CHLSN: variants seen among roughly 807,000 people sequenced by gnomAD.
CHLSN encodes the protein protein cholesin.
the CHLSN span, among the ~76,000 whole-genome samples, chr7:1,080,563 G>C: frequency 1.3e-5 from 2 of 152,260 alleles, no homozygotes; most frequent in African/African-American, 4.8e-5. Flanking sequence ...GGGCAGAGGA[G>C]TCTGGAACAG....
chr7:1,038,723 G>C, the CHLSN span, among the ~76,000 whole-genome samples: 1 of 115,724 alleles, frequency 8.6e-6, no homozygotes, highest in Non-Finnish European at 1.8e-5. Flanking sequence ...TCAGCCCTCC[G>C]CCCGGCCAGC....
At chr7:988,371 C>T in the CHLSN span, 19 of 1,612,582 alleles carry the variant, frequency 1.2e-5, no homozygotes, top group Admixed American at 3.3e-5. Context: ...TTCCTGGACG[C>T]GAATGGGCAC....
At chr7:1,059,883 G>A in the CHLSN span, among the ~76,000 whole-genome samples, 8 of 44,572 alleles carry the variant, frequency 1.8e-4, no homozygotes, top group South Asian at 8.8e-4. Context: ...GGGCGGGTCC[G>A]TAGTGAGGCG....
At chr7:1,068,453 C>G in the CHLSN span, among the ~76,000 whole-genome samples, 1 of 152,150 alleles carries the variant, frequency 6.6e-6, no homozygotes, top group African/African-American at 2.4e-5. Context: ...TGGACGCTGC[C>G]TGGTGTGGAC....
chr7:1,049,306 G>A, the CHLSN span, among the ~76,000 whole-genome samples: 3 of 152,244 alleles, frequency 2.0e-5, no homozygotes, highest in African/African-American at 4.8e-5. Context: ...ATCTGCAGGC[G>A]TCATCATTCC....
chr7:1,121,413 C>T, the CHLSN span, among the ~76,000 whole-genome samples: 12,649 of 152,290 alleles, frequency 0.083, 699 homozygotes, highest in South Asian at 0.13. Context: ...GGCAGTAATG[C>T]TTCTTGGGGC....
chr7:1,011,405 CCAAA>C, the CHLSN span, among the ~76,000 whole-genome samples: 2 of 144,234 alleles, frequency 1.4e-5, no homozygotes, highest in Admixed American at 7.0e-5. Flanking sequence ...CCACAGATAC[CCAAA>C]CACCCACAGA....
the CHLSN span, among the ~76,000 whole-genome samples, chr7:1,053,513 C>T: frequency 6.6e-6 from 1 of 152,186 alleles, no homozygotes; most frequent in Non-Finnish European, 1.5e-5. Context: ...TGTGGGTGCC[C>T]CCTGCAGCTC....
the CHLSN span, among the ~76,000 whole-genome samples, chr7:1,097,529 T>C: frequency 1.3e-5 from 2 of 152,140 alleles, no homozygotes; most frequent in Non-Finnish European, 1.5e-5. The surrounding 1 kb of genome is among the most constrained non-coding windows in gnomAD (Gnocchi z 4.3). Flanking sequence ...AAGAGTCTCG[T>C]TTCTAATAAA....
the CHLSN span, among the ~76,000 whole-genome samples, chr7:1,031,422 G>A: frequency 7.9e-6 from 1 of 126,340 alleles, no homozygotes. Context: ...GGAGGGCAGA[G>A]TGGTCCGGGG....
the CHLSN span, among the ~76,000 whole-genome samples, chr7:1,125,532 G>A: frequency 2.0e-5 from 3 of 152,226 alleles, no homozygotes; most frequent in Non-Finnish European, 4.4e-5. Flanking sequence ...GTCACTTACT[G>A]ATAGAGCTTT....
chr7:1,036,757 CAA>C, the CHLSN span, among the ~76,000 whole-genome samples: 4 of 122,488 alleles, frequency 3.3e-5, no homozygotes, highest in East Asian at 1.9e-4. Context: ...GGAGACCAAA[CAA>C]GAGAGACATT....
chr7:1,123,592 T>C, the CHLSN span, among the ~76,000 whole-genome samples: 12 of 151,918 alleles, frequency 7.9e-5, no homozygotes, highest in East Asian at 2.3e-3. The surrounding 1 kb of genome is among the most constrained non-coding windows in gnomAD (Gnocchi z 4.4). Flanking sequence ...ACAAAACGCT[T>C]GAAACTTTTT....
the CHLSN span, among the ~76,000 whole-genome samples, chr7:1,083,933 C>T: frequency 8.5e-5 from 13 of 152,238 alleles, no homozygotes; most frequent in African/African-American, 2.9e-4. Context: ...CCACGGCCTG[C>T]GTGCTTCTGA....
the CHLSN span, among the ~76,000 whole-genome samples, chr7:1,124,493 C>T: frequency 3.7e-3 from 538 of 146,736 alleles, 4 homozygotes; most frequent in Middle Eastern, 0.01. Context: ...CAGCGTCCAT[C>T]TGGAACCCAA....
At chr7:1,072,884 A>G in the CHLSN span, among the ~76,000 whole-genome samples, 1 of 151,924 alleles carries the variant, frequency 6.6e-6, no homozygotes, top group Non-Finnish European at 1.5e-5. Flanking sequence ...GGATTTCACC[A>G]TGTTGGCCAG....
At chr7:1,040,961 G>A in the CHLSN span, among the ~76,000 whole-genome samples, 1 of 152,264 alleles carries the variant, frequency 6.6e-6, no homozygotes. Context: ...CGGGCCTCCA[G>A]CTGACAGTGC....
At chr7:1,092,605 C>A in the CHLSN span, 2 of 1,611,888 alleles carry the variant, frequency 1.2e-6, no homozygotes, top group Non-Finnish European at 1.7e-6. Flanking sequence ...TGGGGCCGCT[C>A]CCTGCAAGCA....
the CHLSN span, chr7:997,709 C>T: frequency 6.2e-7 from 1 of 1,611,522 alleles, no homozygotes; most frequent in Admixed American, 1.7e-5. Context: ...CCAGCTCCCG[C>T]ATCAGGGCTT....
Sources: gnomAD v4.1 joint callset for allele counts (sites outside exome capture counted in the v4.1 genomes callset) on GRCh38, gnomAD v4.1.1 for gene constraint, Gnocchi (gnomAD v3.1) non-coding constraint, MANE v1.5 for transcripts, NCBI Gene and HGNC (gene_info 2026-07-23, HGNC 2026-07-21) for gene names.